SLC37A1: variants seen among roughly 807,000 people sequenced by gnomAD.
The protein encoded by SLC37A1 is glucose-6-phosphate exchanger SLC37A1.
SLC37A1 carries 49 observed loss-of-function variants against 75.3 expected under a neutral mutation model. The ratio of observed to expected loss-of-function variants is 0.65; its 90% confidence interval spans 0.52 to 0.83. The LOEUF is 0.83. Ranked by LOEUF, SLC37A1 falls within the 40% of genes least tolerant of loss-of-function variation. The pLI is 0.00. For missense variants in SLC37A1, 566 were observed against 695.0 expected (o/e 0.81, Z 2.09); for synonymous variants, 268 against 292.1 (o/e 0.92, Z 0.84).
intron 3 of SLC37A1, among the ~76,000 whole-genome samples, chr21:42,530,650 A>ACCCC (rs1460499515): frequency 2.3e-4 from 6 of 25,610 alleles, no homozygotes; most frequent in Non-Finnish European, 5.0e-4. Context: ...ACACACACAC[A>ACCCC]CACACCCCCT....
At chr21:42,563,493 C>T (rs774989084) in intron 12 of SLC37A1, among the ~76,000 whole-genome samples, 1 of 122,364 alleles carries the variant, frequency 8.2e-6, no homozygotes, top group Admixed American at 7.4e-5. Context: ...ACAGGATGAT[C>T]GAGCATCCAG....
In SLC37A1 at chr21:42,547,239, A is replaced by C; in HGVS notation, c.768+99A>C. ...TGTGCGGTGTCAGACAGAAACACAC[A>C]GGGTAGACAGAAGTCCCACCCTCAA... is the stretch of plus-strand genomic sequence containing the variant. On this transcript the variant is annotated intron_variant, in intron 9 of 19. Transcript: ENST00000352133. The surrounding 1 kb of genome is among the most constrained non-coding windows in gnomAD (Gnocchi z 6.1). 1 of 1,324,038 alleles carries C rather than the reference A, an allele frequency of 7.6e-7. No homozygotes were observed. The highest frequency in any genetic ancestry group is 1.8e-5 in the Admixed American group (1 of 57,076). 82.0% of individuals were successfully genotyped at this position (1,324,038 alleles called of 1,614,324 possible).
intron 2 of SLC37A1, among the ~76,000 whole-genome samples, chr21:42,521,388 AG>A (rs2054645712): frequency 6.6e-6 from 1 of 152,220 alleles, no homozygotes; most frequent in African/African-American, 2.4e-5. Context: ...TGGGGGTTTG[AG>A]CCCATCCATG....
intron 10 of SLC37A1, among the ~76,000 whole-genome samples, chr21:42,554,343 G>A (rs78802513): frequency 0.14 from 21,555 of 152,234 alleles, 2,201 homozygotes; most frequent in African/African-American, 0.28. Context: ...CACTTAACCA[G>A]TTCATTCATT....
chr21:42,555,444 G>A (rs1398845357), intron 10 of SLC37A1, among the ~76,000 whole-genome samples: 1 of 152,170 alleles, frequency 6.6e-6, no homozygotes, highest in Non-Finnish European at 1.5e-5. Flanking sequence ...TTTATTGACT[G>A]CAGAAATTTA....
In SLC37A1 at chr21:42,552,344, C is replaced by T. The variant is rs990293004; in HGVS notation, c.769-1718C>T. On this transcript the variant is annotated intron_variant, in intron 9 of 19. Coordinates refer to ENST00000352133, the MANE Select transcript of SLC37A1 (RefSeq NM_001320537.2). This position sits in a 1 kb window ranked among gnomAD's most constrained non-coding sequence, Gnocchi z 4.2. ...CAGCAGCAAGCAATAGAAAAGCCCA[C>T]AGGCAGTTACTAAAACAAGATGGGA... 2.0e-5 allele frequency among the ~76,000 whole-genome samples: 3 copies of T among 152,192 alleles called. No homozygotes were observed. Among genetic ancestry groups the T allele is most frequent in the African/African-American group, 4.8e-5 (2 of 41,426 alleles).
At chr21:42,574,969 G>A (rs2056274711) in intron 18 of SLC37A1, 54 bp downstream of exon 18, 3 of 1,608,454 alleles carry the variant, frequency 1.9e-6, no homozygotes, top group Non-Finnish European at 2.5e-6. Flanking sequence ...CTCTGTGGTT[G>A]TGTCCAAACA....
intron 18 of SLC37A1, among the ~76,000 whole-genome samples, chr21:42,578,316 G>A (rs1170658698): frequency 6.6e-6 from 1 of 152,190 alleles, no homozygotes; most frequent in African/African-American, 2.4e-5. Flanking sequence ...TCTTGCATGC[G>A]TGAGCCAAAC....
chr21:42,525,952 T>C, intron 3 of SLC37A1, 95 bp downstream of exon 3: 1 of 845,928 alleles, frequency 1.2e-6, no homozygotes. Context: ...AGCAGGTACA[T>C]GGGGAAACAG....
At position 42,568,444 on chromosome 21, in the gene SLC37A1, C is replaced by A; in HGVS notation, c.1423+6C>A. Reference sequence around the variant, plus strand: ...TGACGGGACGGGCTCTGTAGGTGCGCAGAGAGTTTTAGCTCTGGGAGGTTT... The same window carrying A: ...TGACGGGACGGGCTCTGTAGGTGCGAAGAGAGTTTTAGCTCTGGGAGGTTT... On this transcript the variant is annotated splice_donor_region_variant and intron_variant, in intron 17 of 19. Coordinates refer to ENST00000352133, the MANE Select transcript of SLC37A1 (RefSeq NM_001320537.2). 6.2e-7 allele frequency: 1 copy of A among 1,613,336 alleles called. No individual in the cohort carries two copies. Among genetic ancestry groups the A allele is most frequent in the Non-Finnish European group, 8.5e-7 (1 of 1,179,630 alleles).
At chr21:42,541,692 T>G (rs1051329427) in intron 6 of SLC37A1, among the ~76,000 whole-genome samples, 5 of 152,232 alleles carry the variant, frequency 3.3e-5, no homozygotes, top group African/African-American at 9.6e-5. Flanking sequence ...ATCATACAAT[T>G]CTATAAACAG....
At chr21:42,525,381 G>A (rs550016166) in intron 2 of SLC37A1, among the ~76,000 whole-genome samples, 151 of 152,338 alleles carry the variant, frequency 9.9e-4, no homozygotes, top group African/African-American at 2.4e-3. Flanking sequence ...CCGGAGCCCC[G>A]CCCTGTGGGG....
intron 1 of SLC37A1, among the ~76,000 whole-genome samples, chr21:42,515,135 G>A (rs9981634): frequency 0.059 from 8,939 of 152,120 alleles, 878 homozygotes; most frequent in African/African-American, 0.2. Context: ...TGGTGCAAAT[G>A]GAATTCAGGT....
intron 1 of SLC37A1, among the ~76,000 whole-genome samples, chr21:42,500,584 G>GT (rs1335144708): frequency 6.6e-6 from 1 of 152,274 alleles, no homozygotes. Context: ...CTATCAGTAT[G>GT]TTTGGGGGGG....
At chr21:42,566,395 C>T (rs149957399) in intron 15 of SLC37A1, among the ~76,000 whole-genome samples, 3 of 152,236 alleles carry the variant, frequency 2.0e-5, no homozygotes, top group African/African-American at 4.8e-5. Flanking sequence ...CCTCCAGGAG[C>T]GGTTGCGTAA....
At chr21:42,536,728 G>A (rs894418820) in intron 5 of SLC37A1, among the ~76,000 whole-genome samples, 2 of 152,172 alleles carry the variant, frequency 1.3e-5, no homozygotes, top group African/African-American at 4.8e-5. Flanking sequence ...ACAGCACAGG[G>A]GTGACGTTGC....
At position 42,545,310 on chromosome 21, in the gene SLC37A1, T is replaced by G. The variant is rs1167096586; in HGVS notation, c.730+1708T>G. Among the ~76,000 whole-genome samples, 1 of 152,128 alleles carries G rather than the reference T, an allele frequency of 6.6e-6. No individual in the cohort carries two copies. Among genetic ancestry groups the G allele is most frequent in the Non-Finnish European group, 1.5e-5 (1 of 68,012 alleles). On this transcript the variant is annotated intron_variant, in intron 8 of 19. Transcript: ENST00000352133. This position sits in a 1 kb window ranked among gnomAD's most constrained non-coding sequence, Gnocchi z 4.0. ...TGGGAGGTGCACTGTGTCTGAATGA[T>G]GAGACCCAGCTGTGACAACAGTGGC...
intron 9 of SLC37A1, 140 bp from the exon 10 acceptor site, chr21:42,553,919 CATT>C (rs2055617509): frequency 1.8e-6 from 1 of 567,068 alleles, no homozygotes; most frequent in Non-Finnish European, 3.1e-6. Context: ...TGAGATCAAC[CATT>C]ATTCTGTTTA....
chr21:42,519,730 A>C (rs988335109), intron 2 of SLC37A1, among the ~76,000 whole-genome samples: 5 of 152,108 alleles, frequency 3.3e-5, no homozygotes, highest in South Asian at 2.1e-4. Flanking sequence ...CTTCAACCAG[A>C]TTGCTTCTCT....
Sources: gnomAD v4.1 joint callset for allele counts (sites outside exome capture counted in the v4.1 genomes callset) on GRCh38, gnomAD v4.1.1 for gene constraint, Gnocchi (gnomAD v3.1) non-coding constraint, MANE v1.5 for transcripts, NCBI Gene and HGNC (gene_info 2026-07-23, HGNC 2026-07-21) for gene names.